Variants in GLRA3 observed in about 807,000 individuals in gnomAD.
GLRA3 encodes glycine receptor subunit alpha-3.
Under a neutral mutation model 60.4 loss-of-function variants are expected in GLRA3, and 44 were observed. That is an observed-to-expected ratio of 0.73 (90% confidence interval 0.57 to 0.94). The LOEUF (loss-of-function observed/expected upper bound fraction) is 0.94, where lower values mean the gene tolerates loss of function less well. Ranked by LOEUF, GLRA3 falls within the 40% of genes least tolerant of loss-of-function variation. GLRA3 has a pLI of 0.00. For synonymous variants in GLRA3, 223 were observed against 192.9 expected, an observed-to-expected ratio of 1.16 and a Z score of -1.29; for missense variants, 508 against 564.6, an observed-to-expected ratio of 0.90 and a Z score of 1.02.
At chr4:174,807,681 A>G (rs1443791246) in intron 1 of GLRA3, among the ~76,000 whole-genome samples, 1 of 152,158 alleles carries the variant, frequency 6.6e-6, no homozygotes, top group African/African-American at 2.4e-5. Flanking sequence ...AACACAAAAC[A>G]GTGAGACCAC....
intron 5 of GLRA3, among the ~76,000 whole-genome samples, chr4:174,705,809 C>A (rs1341229485): frequency 2.0e-5 from 2 of 102,144 alleles, no homozygotes; most frequent in Non-Finnish European, 4.6e-5. Flanking sequence ...GAGACATTTT[C>A]CCCGTCTACA....
At chr4:174,679,333 C>T (rs1003346840) in intron 6 of GLRA3, among the ~76,000 whole-genome samples, 2 of 151,620 alleles carry the variant, frequency 1.3e-5, no homozygotes, top group Non-Finnish European at 2.9e-5. Context: ...AAAAACAAAA[C>T]AAAACAAAGC....
chr4:174,731,582 T>A (rs13145541), intron 3 of GLRA3, among the ~76,000 whole-genome samples: 1 of 151,934 alleles, frequency 6.6e-6, no homozygotes, highest in Non-Finnish European at 1.5e-5. Context: ...TTTAGCAGAG[T>A]ATGTGGCCTT....
rs550133492 is a variant in GLRA3, at chr4:174,826,892, A to G, written c.71+1849T>C. On this transcript the variant is annotated intron_variant, in intron 1 of 9. Coordinates refer to ENST00000274093, the MANE Select transcript of GLRA3 (RefSeq NM_006529.4). The stretch of plus-strand genomic sequence containing the variant: ...GAGCTTCCTTTTTTTTTTTTTTTCT[A>G]TAGGAAATCCTCTTTTGGGGGTCAT... 5.4e-3 allele frequency among the ~76,000 whole-genome samples: 682 copies of G among 126,394 alleles called. 3 individuals carry two copies. The highest frequency in any genetic ancestry group is 0.019 in the African/African-American group (666 of 34,194). 82.9% of individuals were successfully genotyped at this position (126,394 alleles called of 152,430 possible).
At chr4:174,825,792 A>G (rs968077609) in intron 1 of GLRA3, among the ~76,000 whole-genome samples, 73 of 152,062 alleles carry the variant, frequency 4.8e-4, no homozygotes, top group African/African-American at 1.7e-3. Flanking sequence ...TGCCTTAATA[A>G]TGCTTATTTA....
Position 174,798,845 on chromosome 4 carries a change from C to T in GLRA3, c.72-9902G>A, listed in dbSNP as rs562631376. On this transcript the variant is annotated intron_variant, in intron 1 of 9. Coordinates refer to ENST00000274093, the MANE Select transcript of GLRA3 (RefSeq NM_006529.4). ...AGGCTGAGGCAGAATGCCGTGAACCCGGGAGGCGGAGCTTGCAGTGAGCCG... is the reference window on the plus strand; with the variant it reads ...AGGCTGAGGCAGAATGCCGTGAACCTGGGAGGCGGAGCTTGCAGTGAGCCG... Among the ~76,000 whole-genome samples, 10 of 151,970 alleles carry T rather than the reference C, an allele frequency of 6.6e-5. No individual in the cohort carries two copies. In the South Asian group the frequency reaches 1.2e-3, roughly 19 times the overall value.
intron 3 of GLRA3, among the ~76,000 whole-genome samples, chr4:174,736,444 A>G (rs1310171825): frequency 6.6e-6 from 1 of 152,120 alleles, no homozygotes. Flanking sequence ...TCACCCCACA[A>G]GGAAATCCTG....
chr4:174,666,779 AT>A (rs201728083), intron 7 of GLRA3, among the ~76,000 whole-genome samples: 5 of 139,564 alleles, frequency 3.6e-5, no homozygotes, highest in South Asian at 2.3e-4. Flanking sequence ...ATATATATAT[AT>A]AATTGGATTT....
chr4:174,753,677 T>G (rs1379391065), intron 3 of GLRA3, among the ~76,000 whole-genome samples: 1 of 152,186 alleles, frequency 6.6e-6, no homozygotes. Flanking sequence ...GTTTAATTGA[T>G]CTCTACGATA....
rs139783881 is a variant in GLRA3 at position 174,795,181 on chromosome 4, C to T, written c.72-6238G>A. 8.7e-3 allele frequency among the ~76,000 whole-genome samples: 1,325 copies of T among 151,972 alleles called. 16 individuals are homozygous for T. The highest frequency in any genetic ancestry group is 0.03 in the African/African-American group (1,249 of 41,510). On this transcript the variant is annotated intron_variant, in intron 1 of 9. Transcript: ENST00000274093. ...ATTAAACTGGAGGAAGAAAAACATA[C>T]TACCTTTTATCACTAACATAGACCA...
At chr4:174,705,135 C>T (rs1333971840) in intron 5 of GLRA3, among the ~76,000 whole-genome samples, 3 of 143,832 alleles carry the variant, frequency 2.1e-5, no homozygotes, top group Non-Finnish European at 4.6e-5. Context: ...TGTTTAAATT[C>T]GGTTGCAATT....
intron 1 of GLRA3, among the ~76,000 whole-genome samples, chr4:174,801,376 G>T (rs763224828): frequency 6.6e-6 from 1 of 151,938 alleles, no homozygotes; most frequent in Admixed American, 6.6e-5. Flanking sequence ...TTTATATCTC[G>T]AGCTATGAAT....
At chr4:174,691,954 T>G (rs1041984487) in intron 5 of GLRA3, among the ~76,000 whole-genome samples, 5 of 151,580 alleles carry the variant, frequency 3.3e-5, no homozygotes, top group Non-Finnish European at 7.4e-5. Context: ...GAGGAGTGTC[T>G]CTGCCCGGCC....
intron 1 of GLRA3, among the ~76,000 whole-genome samples, chr4:174,823,610 A>G (rs1388957262): frequency 1.3e-5 from 2 of 152,216 alleles, no homozygotes; most frequent in East Asian, 3.8e-4. Context: ...GTAGGAGACA[A>G]GTTTGGTGGG....
chr4:174,777,073 A>T (rs778229892), intron 2 of GLRA3, among the ~76,000 whole-genome samples: 14 of 152,168 alleles, frequency 9.2e-5, no homozygotes, highest in Non-Finnish European at 1.2e-4. Context: ...CAGATTTTTT[A>T]AAAATAAAGA....
rs1055513713 is a variant in GLRA3 at position 174,676,821 on chromosome 4, G to C, written c.927+257C>G. On this transcript the variant is annotated intron_variant, in intron 7 of 9. Coordinates refer to ENST00000274093, the MANE Select transcript of GLRA3 (RefSeq NM_006529.4). ...ACCTATTGATACAAATAATTCCATA[G>C]TGTATAAGAGTATTATTGATATTTA... 3.9e-5 allele frequency among the ~76,000 whole-genome samples: 6 copies of C among 152,116 alleles called. No homozygotes were observed. The South Asian group carries it at 1.2e-3, about 32-fold the overall frequency.
At chr4:174,757,871 G>A (rs556730614) in intron 3 of GLRA3, among the ~76,000 whole-genome samples, 82 of 152,264 alleles carry the variant, frequency 5.4e-4, no homozygotes, top group African/African-American at 1.9e-3. Flanking sequence ...CCCCAGTGTT[G>A]CAGGTGGGGC....
chr4:174,720,636 C>T (rs1331455102), intron 4 of GLRA3, among the ~76,000 whole-genome samples: 1 of 152,138 alleles, frequency 6.6e-6, no homozygotes, highest in Non-Finnish European at 1.5e-5. Context: ...ATCATTCTTT[C>T]ATCTGAGCCA....
chr4:174,768,450 G>A (rs1029731924), intron 2 of GLRA3, among the ~76,000 whole-genome samples: 6 of 152,024 alleles, frequency 3.9e-5, no homozygotes, highest in Non-Finnish European at 8.8e-5. Context: ...ATTAATGCCC[G>A]ACTTAGTATT....
Sources: allele counts gnomAD v4.1 joint callset (sites outside exome capture counted in the v4.1 genomes callset), GRCh38; gene constraint gnomAD v4.1.1; transcripts MANE v1.5; gene names NCBI Gene and HGNC (gene_info 2026-07-23, HGNC 2026-07-21).